The following FYB1 variants were observed in gnomAD, a reference collection of about 807,000 sequenced individuals.
The protein encoded by FYB1 is FYN-binding protein 1.
In FYB1, 41 loss-of-function variants were observed where a neutral mutation model predicts 94.1. The observed-to-expected ratio is 0.44, with a 90% CI of 0.34 to 0.57. The LOEUF (loss-of-function observed/expected upper bound fraction) is 0.57, where lower values mean the gene tolerates loss of function less well. FYB1 is among the 20% of genes least tolerant of loss of function. FYB1 has a pLI of 0.02. For missense variants in FYB1, 1,050 were observed against 976.8 expected (o/e 1.07, Z -1.00); for synonymous variants, 367 against 353.2 (o/e 1.04, Z -0.44).
chr5:39,267,749 T>C lies in FYB1; in HGVS notation c.-28+6654A>G, dbSNP rs184559808. Among the ~76,000 whole-genome samples the C allele has an allele frequency of 8.0e-4, 122 of 152,358 alleles. 1 individual carries two copies. The highest frequency in any genetic ancestry group is 2.9e-3 in the African/African-American group (119 of 41,586). On this transcript the variant is annotated intron_variant, in intron 1 of 1. Coordinates refer to the FYB1 transcript ENST00000510188. ...ACTGAGAAATTCACTTACTATGCCA[T>C]TATATAGTAAGAAACTTAAAGTATG...
intron 2 of FYB1, among the ~76,000 whole-genome samples, chr5:39,177,966 C>T (rs1310790011): frequency 6.6e-6 from 1 of 152,200 alleles, no homozygotes; most frequent in Non-Finnish European, 1.5e-5. Context: ...TACTTCTGCT[C>T]TTGTACAGTA....
intron 3 of FYB1, among the ~76,000 whole-genome samples, chr5:39,150,920 C>A (rs1743193829): frequency 6.6e-6 from 1 of 152,174 alleles, no homozygotes; most frequent in Non-Finnish European, 1.5e-5. Context: ...AATGTCACTG[C>A]TCTGATGTAG....
At chr5:39,119,995 A>T (rs1182039092) in intron 14 of FYB1, among the ~76,000 whole-genome samples, 1 of 152,178 alleles carries the variant, frequency 6.6e-6, no homozygotes, top group African/African-American at 2.4e-5. Flanking sequence ...ATAATTATGT[A>T]GCTTGGCCAA....
Position 39,166,827 on chromosome 5 carries a change from G to A in FYB1, c.1136-13223C>T, listed in dbSNP as rs1211046569. ...AGGGTGGGAGGGTTGGCAAGAGTGA[G>A]GGATTGGAAATTAATTAATGGGTAC... On this transcript the variant is annotated intron_variant, in intron 2 of 18. Transcript: ENST00000512982. Among the ~76,000 whole-genome samples the A allele has an allele frequency of 2.6e-5, 4 of 152,058 alleles. No homozygotes were observed. In the East Asian group the frequency reaches 7.7e-4, roughly 29 times the overall value.
At chr5:39,175,780 T>C (rs566967328) in intron 2 of FYB1, among the ~76,000 whole-genome samples, 2 of 152,234 alleles carry the variant, frequency 1.3e-5, no homozygotes, top group East Asian at 3.9e-4. Context: ...GTGTTTGGAA[T>C]TGAGTGCTGG....
intron 1 of FYB1, among the ~76,000 whole-genome samples, chr5:39,235,065 T>G (rs912827699): frequency 2.7e-5 from 4 of 150,848 alleles, no homozygotes; most frequent in East Asian, 3.9e-4. Context: ...ATAATAATAA[T>G]AATAATAATA....
intron 1 of FYB1, among the ~76,000 whole-genome samples, chr5:39,235,618 T>C (rs1355169804): frequency 2.0e-5 from 3 of 151,808 alleles, no homozygotes; most frequent in East Asian, 2.0e-4. Flanking sequence ...TGAGTAGATA[T>C]ATAGGAGCTG....
intron 16 of FYB1, among the ~76,000 whole-genome samples, chr5:39,112,243 T>C (rs926292064): frequency 2.6e-4 from 39 of 152,024 alleles, no homozygotes; most frequent in African/African-American, 9.4e-4. Context: ...CATTGACTTC[T>C]TTTTATCAGT....
In FYB1 at chr5:39,202,665, G is replaced by T; in HGVS notation, c.296C>A (p.Thr99Asn). 1 of 1,613,854 alleles carries T rather than the reference G, an allele frequency of 6.2e-7. No homozygotes were observed. The highest frequency in any genetic ancestry group is 8.5e-7 in the Non-Finnish European group (1 of 1,179,852). The change falls in exon 2 of 19, where the codon ACC becomes AAC. Residue 99 changes from threonine to asparagine, a missense_variant. By Grantham distance (65) the Thr-to-Asn change is moderately conservative. Coordinates refer to ENST00000512982, the MANE Select transcript of FYB1 (RefSeq NM_001465.6). ...CACTTTCGCCTCGGGGTCTCTGGTG[G>T]TCAAGCTGGCTGGTGTTCCGAATCT... ...GQRFGTPASL[T>N]TRDPEAKVGF...
intron 16 of FYB1, among the ~76,000 whole-genome samples, chr5:39,116,252 A>T (rs951946546): frequency 1.3e-5 from 2 of 152,094 alleles, no homozygotes; most frequent in African/African-American, 4.8e-5. Context: ...GCCCATAGAA[A>T]CTCTTTACAT....
chr5:39,263,823 G>A (rs1752321849), intron 1 of FYB1, among the ~76,000 whole-genome samples: 1 of 152,154 alleles, frequency 6.6e-6, no homozygotes, highest in Non-Finnish European at 1.5e-5. Context: ...CAGGATCAAG[G>A]CTATCTGGAG....
At chr5:39,232,865 A>G (rs1469840248) in intron 1 of FYB1, among the ~76,000 whole-genome samples, 2 of 151,784 alleles carry the variant, frequency 1.3e-5, no homozygotes, top group South Asian at 2.1e-4. Flanking sequence ...ATGATTTCCA[A>G]TTTCATCCAT....
chr5:39,235,647 C>T (rs1452354015), intron 1 of FYB1, among the ~76,000 whole-genome samples: 1 of 150,968 alleles, frequency 6.6e-6, no homozygotes, highest in Non-Finnish European at 1.5e-5. Flanking sequence ...ATTGTATAAA[C>T]AGTCGTTAAG....
At chr5:39,156,601 G>A (rs1442456700) in intron 2 of FYB1, among the ~76,000 whole-genome samples, 1 of 152,190 alleles carries the variant, frequency 6.6e-6, no homozygotes, top group Non-Finnish European at 1.5e-5. Context: ...GTCTTCCTAT[G>A]TTACACTACT....
chr5:39,105,765 C>T lies in FYB1; in HGVS notation c.*1678G>A, dbSNP rs1760339944. On this transcript the variant is annotated 3_prime_UTR_variant, in exon 19 of 19. Transcript: ENST00000512982. ...TTATCTAGTGTGAAAAGAAATTAATCACATGGTCATATACTGGCTAGTGCT... is the reference window on the plus strand; with the variant it reads ...TTATCTAGTGTGAAAAGAAATTAATTACATGGTCATATACTGGCTAGTGCT... 1.3e-5 allele frequency: 2 copies of T among 152,058 alleles called. No individual in the cohort carries two copies. Among genetic ancestry groups the T allele is most frequent in the South Asian group, 4.1e-4 (2 of 4,826 alleles). The allele number at this position is 152,058 out of a possible 1,614,324, so 9.4% of individuals were successfully genotyped here. A position where few individuals can be genotyped will look rare whatever the true frequency, so the allele number is the denominator to read the frequency against.
intron 1 of FYB1, among the ~76,000 whole-genome samples, chr5:39,265,446 T>C (rs1482258109): frequency 6.7e-6 from 1 of 149,244 alleles, no homozygotes; most frequent in African/African-American, 2.5e-5. Context: ...TTCACGCCAC[T>C]GCACTCCAGC....
Position 39,232,489 on chromosome 5 carries a change from CA to C in FYB1, c.-27-29503del. 2.0e-5 allele frequency among the ~76,000 whole-genome samples: 3 copies of C among 151,834 alleles called. No homozygotes were observed. In the East Asian group the frequency reaches 5.8e-4, roughly 29 times the overall value. On this transcript the variant is annotated intron_variant, in intron 1 of 1. Transcript: ENST00000510188. ...TTGAAATTAAATCCTCATGTAAAGC[CA>C]TTGTAAGTGTGACATTTTAGCATAA...
intron 1 of FYB1, among the ~76,000 whole-genome samples, chr5:39,244,563 T>C (rs1751381399): frequency 6.6e-6 from 1 of 152,106 alleles, no homozygotes; most frequent in Non-Finnish European, 1.5e-5. Context: ...TGAGGATTTT[T>C]GCATCAATGC....
chr5:39,107,442 G>A lies in FYB1; in HGVS notation c.*1C>T, dbSNP rs1178984179. On this transcript the variant is annotated 3_prime_UTR_variant, in exon 19 of 19. Coordinates refer to ENST00000512982, the MANE Select transcript of FYB1 (RefSeq NM_001465.6). ...CACAGCAGAATGACCAAAGTTGAGT[G>A]CTAGTCATTGTCATAGATGCAGCCT... The A allele has an allele frequency of 1.3e-6, 2 of 1,527,832 alleles. No homozygotes were observed. Among genetic ancestry groups the A allele is most frequent in the South Asian group, 2.6e-5 (2 of 77,778 alleles). 94.6% of individuals were successfully genotyped at this position (1,527,832 alleles called of 1,614,324 possible).
Sources: allele counts gnomAD v4.1 joint callset (sites outside exome capture counted in the v4.1 genomes callset), GRCh38; gene constraint gnomAD v4.1.1; transcripts MANE v1.5; gene names NCBI Gene and HGNC (gene_info 2026-07-23, HGNC 2026-07-21).